Variants in CEP250 observed in about 807,000 individuals in gnomAD.
CEP250 encodes the protein centrosome-associated protein CEP250.
Under a neutral mutation model 315.7 loss-of-function variants are expected in CEP250, and 242 were observed. That is an observed-to-expected ratio of 0.77 (90% CI 0.69 to 0.85). The LOEUF is 0.85. CEP250 is among the 40% of genes least tolerant of loss of function. The pLI, the probability that CEP250 is intolerant of heterozygous loss-of-function variation, is 0.00. For synonymous variants in CEP250, 1,088 were observed against 1,175.0 expected (o/e 0.93, Z 1.51); for missense variants, 2,515 against 2,886.4 (o/e 0.87, Z 2.95).
intron 33 of CEP250, among the ~76,000 whole-genome samples, chr20:35,509,663 C>T (rs1053433459): frequency 1.3e-5 from 2 of 152,262 alleles, no homozygotes; most frequent in Admixed American, 1.3e-4. Context: ...CCGTGTCTTC[C>T]TCTCTGCATC....
rs1489097003 is a variant in CEP250, at chr20:35,507,779, G to A, written c.6678G>A (p.Arg2226=). The A allele has an allele frequency of 6.4e-7, 1 of 1,562,360 alleles. No homozygotes were observed. Among genetic ancestry groups the A allele is most frequent in the Non-Finnish European group, 8.7e-7 (1 of 1,153,034 alleles). ...CCAGACGGGCTCTGGAGAAGGAGCG[G>A]CTACACAGCCCAGGTGCAACCAGCA... ...ELTRRALEKE[R]LHSPGATSTA... Residue 2226 remains arginine, a synonymous_variant, in exon 31 of 35, where the codon CGG becomes CGA. Coordinates refer to ENST00000397527, the MANE Select transcript of CEP250 (RefSeq NM_007186.6).
At position 35,502,533 on chromosome 20, in the gene CEP250, G is replaced by A; in HGVS notation, c.4164G>A (p.Leu1388=). Residue 1388 remains leucine (L), a synonymous_variant, in exon 30 of 35, where the codon CTG becomes CTA. Transcript: ENST00000397527. ...EEDLRTARSA[L]KLKNEEVESE... ...ACCTGAGAACGGCTCGCTCAGCACT[G>A]AAGCTGAAAAATGAGGAAGTAGAGA... 6.2e-7 allele frequency: 1 copy of A among 1,614,146 alleles called. No individual in the cohort carries two copies. Among genetic ancestry groups the A allele is most frequent in the South Asian group, 1.1e-5 (1 of 91,084 alleles).
At position 35,462,267 on chromosome 20, in the gene CEP250, C is replaced by A; in HGVS notation, c.-101C>A. ...TGACTATGTGCTTTGGTCCCCAGTTCAAGAGGAGGTTGAAGTGGCATGGCA... is the reference window on the plus strand; with the variant it reads ...TGACTATGTGCTTTGGTCCCCAGTTAAAGAGGAGGTTGAAGTGGCATGGCA... On this transcript the variant is annotated splice_region_variant and 5_prime_UTR_variant, in exon 4 of 35. Coordinates refer to ENST00000397527, the MANE Select transcript of CEP250 (RefSeq NM_007186.6). 2.3e-6 allele frequency: 2 copies of A among 872,976 alleles called. No homozygotes were observed. The highest frequency in any genetic ancestry group is 3.5e-6 in the Non-Finnish European group (2 of 568,628). The allele number at this position is 872,976 out of a possible 1,614,324, so 54.1% of individuals were successfully genotyped here. A position where few individuals can be genotyped will look rare whatever the true frequency, so the allele number is the denominator to read the frequency against.
intron 9 of CEP250, among the ~76,000 whole-genome samples, chr20:35,467,922 G>C (rs1009800600): frequency 6.8e-6 from 1 of 147,658 alleles, no homozygotes; most frequent in Non-Finnish European, 1.5e-5. Flanking sequence ...TATCCTCTAA[G>C]ACATAGTTCA....
chr20:35,480,236 A>C, intron 20 of CEP250, 91 bp downstream of exon 20: 1 of 1,331,448 alleles, frequency 7.5e-7, no homozygotes, highest in Non-Finnish European at 1.0e-6. Flanking sequence ...CGTATGAGTG[A>C]AATTTTGTAA....
At chr20:35,485,017 C>T (rs1177990897) in intron 20 of CEP250, among the ~76,000 whole-genome samples, 2 of 140,798 alleles carry the variant, frequency 1.4e-5, no homozygotes, top group Admixed American at 1.5e-4. Flanking sequence ...TGAGGCAGGA[C>T]GATTGGTTGA....
rs757843693 is a variant in CEP250 at position 35,478,060 on chromosome 20, A to G, written c.2053A>G (p.Ile685Val). 2 of 1,614,116 alleles carry G rather than the reference A, an allele frequency of 1.2e-6. No individual in the cohort carries two copies. Among genetic ancestry groups the G allele is most frequent in the Non-Finnish European group, 1.7e-6 (2 of 1,180,010 alleles). Residue 685 changes from isoleucine to valine, a missense_variant, in exon 17 of 35, where the codon ATC becomes GTC. By Grantham distance (29) the Ile-to-Val change is conservative. Coordinates refer to ENST00000397527, the MANE Select transcript of CEP250 (RefSeq NM_007186.6). ...GAELQADLRDIQEEKEEIQKK... is the reference protein window; with the variant it reads ...GAELQADLRDVQEEKEEIQKK... ...TGAGCTGCAGGCAGATCTCAGGGAC[A>G]TCCAAGAAGAGAAGGAAGAAATTCA...
intron 12 of CEP250, 30 bp downstream of exon 12, chr20:35,472,861 ACAGGG>A: frequency 6.2e-7 from 1 of 1,612,746 alleles, no homozygotes; most frequent in South Asian, 1.1e-5. Context: ...CACCTCAGTC[ACAGGG>A]GTTTGTGTCT....
At chr20:35,464,649 G>T (rs1411855128) in intron 5 of CEP250, among the ~76,000 whole-genome samples, 1 of 152,178 alleles carries the variant, frequency 6.6e-6, no homozygotes, top group Admixed American at 6.6e-5. Context: ...TCAGCCAGGC[G>T]CAGTGGCTCA....
intron 14 of CEP250, among the ~76,000 whole-genome samples, chr20:35,475,079 C>T (rs2063132276): frequency 6.6e-6 from 1 of 152,132 alleles, no homozygotes; most frequent in African/African-American, 2.4e-5. Context: ...TGGCATGTGC[C>T]TGTAGCCATG....
chr20:35,494,194 G>A (rs115139868), intron 23 of CEP250, among the ~76,000 whole-genome samples: 1,633 of 151,332 alleles, frequency 0.011, 34 homozygotes, highest in African/African-American at 0.037. Context: ...GACTGATCTC[G>A]AACTCCTGGT....
At chr20:35,482,754 G>A (rs1304274222) in intron 20 of CEP250, among the ~76,000 whole-genome samples, 1 of 146,646 alleles carries the variant, frequency 6.8e-6, no homozygotes, top group Non-Finnish European at 1.5e-5. Flanking sequence ...TAGAGATGGG[G>A]TTTCACCATG....
chr20:35,468,192 A>G (rs892523702), intron 9 of CEP250, among the ~76,000 whole-genome samples: 2 of 152,026 alleles, frequency 1.3e-5, no homozygotes, highest in Non-Finnish European at 1.5e-5. Context: ...CAAGTGATCC[A>G]CCTGCCTCAG....
In CEP250 at chr20:35,503,271, T is replaced by C. The variant is rs1434313351; in HGVS notation, c.4902T>C (p.Ser1634=). Reference sequence around the variant, plus strand: ...AGGAGAGGGACCAGGAGGTGAAGTCTCAGCGAGAACAGATCGAGGAGCTGC... The same window carrying C: ...AGGAGAGGGACCAGGAGGTGAAGTCCCAGCGAGAACAGATCGAGGAGCTGC... ...ELQERDQEVK[S]QREQIEELQR... is the part of the protein sequence containing the mutation. The change falls in exon 30 of 35, where the codon TCT becomes TCC. Residue 1634 remains serine, a synonymous_variant. Coordinates refer to ENST00000397527, the MANE Select transcript of CEP250 (RefSeq NM_007186.6). The surrounding 1 kb of genome is among the most constrained non-coding windows in gnomAD (Gnocchi z 4.2). 6.2e-7 allele frequency: 1 copy of C among 1,613,974 alleles called. No individual in the cohort carries two copies. The highest frequency in any genetic ancestry group is 2.2e-5 in the East Asian group (1 of 44,890).
chr20:35,466,517 G>A (rs2062881434), intron 7 of CEP250, among the ~76,000 whole-genome samples: 1 of 152,106 alleles, frequency 6.6e-6, no homozygotes, highest in Non-Finnish European at 1.5e-5. Context: ...TGGTCTGGAG[G>A]TCTTGCATAT....
At chr20:35,456,524 C>T (rs778410095) in intron 1 of CEP250, among the ~76,000 whole-genome samples, 18 of 152,238 alleles carry the variant, frequency 1.2e-4, no homozygotes, top group Non-Finnish European at 2.4e-4. Context: ...ACCAAGGCTA[C>T]TGGTACGCCC....
Position 35,511,591 on chromosome 20 carries a change from C to A in CEP250, c.7294C>A (p.Pro2432Thr), listed in dbSNP as rs201574445. ...ATCCCCAGGGCCAGTCCTGCTACACCCCAGCCCCAGCACTACCCAAGCCGC... is the reference window on the plus strand; with the variant it reads ...ATCCCCAGGGCCAGTCCTGCTACACACCAGCCCCAGCACTACCCAAGCCGC... Reference protein sequence around the residue: ...LTSPGPVLLHPSPSTTQAASR With the variant: ...LTSPGPVLLHTSPSTTQAASR Residue 2432 changes from proline to threonine, a missense_variant, in exon 35 of 35, where the codon CCC becomes ACC. Pro to Thr is a conservative substitution (Grantham distance 38, BLOSUM62 -1). Transcript: ENST00000397527. 115 of 1,613,036 alleles carry A rather than the reference C, an allele frequency of 7.1e-5. No homozygotes were observed. Among genetic ancestry groups the A allele is most frequent in the Non-Finnish European group, 9.1e-5 (107 of 1,179,786 alleles).
chr20:35,467,587 G>A (rs772368914), intron 9 of CEP250, 32 bp downstream of exon 9: 13 of 1,606,298 alleles, frequency 8.1e-6, no homozygotes, highest in Middle Eastern at 4.2e-4. Context: ...AGAAGGGTTC[G>A]CTGAGAGAGA....
chr20:35,511,779 C>T lies in CEP250; in HGVS notation c.*153C>T. On this transcript the variant is annotated 3_prime_UTR_variant, in exon 35 of 35. Transcript: ENST00000397527. ...TTCCCAGGAAGAGGAAGTAAATCTG[C>T]AACCCTGGGGAGGACCCCAACTCAC... The T allele has an allele frequency of 2.1e-6, 3 of 1,423,582 alleles. No homozygotes were observed. The highest frequency in any genetic ancestry group is 2.7e-6 in the Non-Finnish European group (3 of 1,092,462). The allele number at this position is 1,423,582 out of a possible 1,614,324, so 88.2% of individuals were successfully genotyped here.
Sources: allele counts gnomAD v4.1 joint callset (sites outside exome capture counted in the v4.1 genomes callset), GRCh38; gene constraint gnomAD v4.1.1; non-coding constraint Gnocchi (gnomAD v3.1); transcripts MANE v1.5; gene names NCBI Gene and HGNC (gene_info 2026-07-23, HGNC 2026-07-21).